The following CFAP61 variants were observed in gnomAD, a reference collection of about 807,000 sequenced individuals.
CFAP61 encodes the protein cilia and flagella associated protein 61.
In CFAP61, 107 loss-of-function variants were observed where a neutral mutation model predicts 135.6. That is an observed-to-expected ratio of 0.79 (90% CI 0.67 to 0.93). The LOEUF (loss-of-function observed/expected upper bound fraction) is 0.93. Among genes scored for constraint, CFAP61 ranks in the 40% least tolerant of loss-of-function variants. CFAP61 has a pLI of 0.00. For missense variants in CFAP61, 1,507 were observed against 1,556.2 expected (o/e 0.97, Z 0.53); for synonymous variants, 575 against 578.5 (o/e 0.99, Z 0.09).
At chr20:20,101,256 T>C (rs2047997841) in intron 8 of CFAP61, among the ~76,000 whole-genome samples, 1 of 152,250 alleles carries the variant, frequency 6.6e-6, no homozygotes. Flanking sequence ...CTCTAAAATA[T>C]GAACTAAAAT....
intron 13 of CFAP61, among the ~76,000 whole-genome samples, chr20:20,181,276 T>TATACACACACACAC (rs1555898669): frequency 6.9e-6 from 1 of 144,544 alleles, no homozygotes; most frequent in Non-Finnish European, 1.5e-5. Flanking sequence ...TGTGTATGTA[T>TATACACACACACAC]ACACACACAC....
At chr20:20,090,135 T>G (rs1041341994) in intron 6 of CFAP61, among the ~76,000 whole-genome samples, 5 of 152,138 alleles carry the variant, frequency 3.3e-5, no homozygotes, top group African/African-American at 1.2e-4. Flanking sequence ...CTCTTGTCCT[T>G]TGGCCCATGA....
intron 17 of CFAP61, among the ~76,000 whole-genome samples, chr20:20,224,079 G>A (rs572466102): frequency 6.6e-6 from 1 of 152,296 alleles, no homozygotes; most frequent in East Asian, 1.9e-4. Flanking sequence ...CTAAAATACA[G>A]CAAATGCTCA....
rs575773968 is a variant in CFAP61 at position 20,115,799 on chromosome 20, G to A, written c.859+16985G>A. On this transcript the variant is annotated intron_variant, in intron 8 of 26. Transcript: ENST00000245957. ...ACTTTTTAATGGCTGAACAATATTC[G>A]ATTGTGTATATATACCACATTTGCT... Among the ~76,000 whole-genome samples, 30 of 152,186 alleles carry A rather than the reference G, an allele frequency of 2.0e-4. No homozygotes were observed. The South Asian group carries it at 3.3e-3, about 17-fold the overall frequency.
At chr20:20,094,362 C>T (rs898516542) in intron 7 of CFAP61, 10 of 152,176 alleles carry the variant, frequency 6.6e-5, no homozygotes, top group Non-Finnish European at 1.0e-4. Context: ...TAGACAGAAA[C>T]TCCTGAGAAG....
intron 6 of CFAP61, chr20:20,085,105 T>C (rs1020970849): frequency 7.1e-6 from 7 of 985,362 alleles, no homozygotes; most frequent in African/African-American, 5.2e-5. Flanking sequence ...CACTCTGTGC[T>C]GATCTATAAA....
intron 2 of CFAP61, among the ~76,000 whole-genome samples, chr20:20,067,304 C>T (rs992515995): frequency 7.2e-5 from 11 of 151,954 alleles, no homozygotes; most frequent in South Asian, 2.1e-4. Flanking sequence ...CCTTCTCAGC[C>T]GGGCGTGGTA....
intron 8 of CFAP61, among the ~76,000 whole-genome samples, chr20:20,130,346 T>G (rs1293181434): frequency 6.6e-6 from 1 of 151,748 alleles, no homozygotes; most frequent in Admixed American, 6.6e-5. Flanking sequence ...GAATTCTTGA[T>G]CATAGAGCTC....
chr20:20,327,018 G>T (rs1042949174), intron 25 of CFAP61, among the ~76,000 whole-genome samples: 2 of 151,712 alleles, frequency 1.3e-5, no homozygotes, highest in Non-Finnish European at 2.9e-5. Flanking sequence ...TTATAGTTTT[G>T]TTGCTGCTGT....
chr20:20,260,540 T>C (rs2052077783), intron 20 of CFAP61, among the ~76,000 whole-genome samples: 1 of 152,262 alleles, frequency 6.6e-6, no homozygotes, highest in Admixed American at 6.5e-5. Context: ...ATTGCTCTTA[T>C]TCTTTATAGT....
At chr20:20,153,618 T>C (rs1046640944) in intron 9 of CFAP61, among the ~76,000 whole-genome samples, 3 of 152,136 alleles carry the variant, frequency 2.0e-5, no homozygotes, top group East Asian at 1.9e-4. Flanking sequence ...CTTGAGGAGA[T>C]AGATAAATTC....
chr20:20,318,491 C>T (rs528292945), intron 25 of CFAP61, among the ~76,000 whole-genome samples: 67 of 152,214 alleles, frequency 4.4e-4, no homozygotes, highest in Non-Finnish European at 7.9e-4. Flanking sequence ...TTCGTGTCTC[C>T]CACAGCTAAA....
chr20:20,216,112 C>T (rs1052113456), intron 17 of CFAP61, among the ~76,000 whole-genome samples: 1 of 152,146 alleles, frequency 6.6e-6, no homozygotes, highest in Non-Finnish European at 1.5e-5. Flanking sequence ...TATACCAAAC[C>T]GATGACTGAT....
At chr20:20,357,894 GTGAGGGGAGGTGGTCACAC>G (rs1223455631) in intron 26 of CFAP61, among the ~76,000 whole-genome samples, 104 of 145,136 alleles carry the variant, frequency 7.2e-4, no homozygotes, top group African/African-American at 2.4e-3. Flanking sequence ...TGGTCATAGT[GTGAGGGGAGGTGGTCACAC>G]TGAGGGGAGG....
rs777937060 is a variant in CFAP61 at position 20,075,344 on chromosome 20, A to G, written c.439+88A>G. ...GGTGCTTTGGGGAATGAGAAATAAG[A>G]GTGGTCTCCAGGTCCTCAATGTACC... On this transcript the variant is annotated intron_variant, in intron 5 of 26. Coordinates refer to ENST00000245957, the MANE Select transcript of CFAP61 (RefSeq NM_015585.4). 22 of 1,480,678 alleles carry G rather than the reference A, an allele frequency of 1.5e-5. No homozygotes were observed. In the Admixed American group the frequency reaches 3.0e-4, roughly 20 times the overall value. The allele number at this position is 1,480,678 out of a possible 1,614,324, so 91.7% of individuals were successfully genotyped here.
rs537312720 is a variant in CFAP61, at chr20:20,315,851, T to TA, written c.3422+17466dup. 1.3e-3 allele frequency among the ~76,000 whole-genome samples: 193 copies of TA among 152,350 alleles called. 2 individuals carry two copies. Among genetic ancestry groups the TA allele is most frequent in the African/African-American group, 4.4e-3 (181 of 41,568 alleles). On this transcript the variant is annotated intron_variant, in intron 25 of 26. Coordinates refer to ENST00000245957, the MANE Select transcript of CFAP61 (RefSeq NM_015585.4). Reference sequence around the variant, plus strand: ...TTGTGAAAGATCAGATAGTTGTAGATACATGGCGTTATTTCTGAGGGCTCT... The same window carrying TA: ...TTGTGAAAGATCAGATAGTTGTAGATAACATGGCGTTATTTCTGAGGGCTCT...
intron 26 of CFAP61, among the ~76,000 whole-genome samples, chr20:20,355,632 A>G (rs1265042003): frequency 7.5e-6 from 1 of 133,928 alleles, no homozygotes; most frequent in Non-Finnish European, 1.6e-5. Context: ...AGAAGGTCAC[A>G]CTAAGGGGAG....
At chr20:20,305,743 C>T (rs773265740) in intron 25 of CFAP61, among the ~76,000 whole-genome samples, 7 of 152,238 alleles carry the variant, frequency 4.6e-5, no homozygotes, top group African/African-American at 7.2e-5. Context: ...AAAATCCATT[C>T]TCTTCCTTTT....
intron 13 of CFAP61, among the ~76,000 whole-genome samples, chr20:20,186,917 A>G (rs1425136493): frequency 1.3e-5 from 2 of 152,196 alleles, no homozygotes; most frequent in African/African-American, 4.8e-5. Flanking sequence ...TACAGGACCC[A>G]TTACAAAATG....
Sources: allele counts gnomAD v4.1 joint callset (sites outside exome capture counted in the v4.1 genomes callset), GRCh38; gene constraint gnomAD v4.1.1; transcripts MANE v1.5; gene names NCBI Gene and HGNC (gene_info 2026-07-23, HGNC 2026-07-21).